The following ASAP2 variants were observed in gnomAD, a reference collection of about 807,000 sequenced individuals.
ASAP2 encodes arf-GAP with SH3 domain, ANK repeat and PH domain-containing protein 2.
Under a neutral mutation model 131.4 loss-of-function variants are expected in ASAP2, and 45 were observed. The observed-to-expected ratio is 0.34, with a 90% CI of 0.27 to 0.44. ASAP2 has a LOEUF of 0.44. Ranked by LOEUF, ASAP2 falls within the 20% of genes least tolerant of loss-of-function variation. The probability of loss-of-function intolerance (pLI) is 1.00; values close to 1 mark genes in which losing one functional copy is unlikely to be tolerated. For missense variants in ASAP2, 1,011 were observed against 1,297.0 expected (o/e 0.78, Z 3.39); for synonymous variants, 510 against 503.0 (o/e 1.01, Z -0.19).
At chr2:9,300,856 C>G (rs925617796) in intron 3 of ASAP2, among the ~76,000 whole-genome samples, 2 of 152,248 alleles carry the variant, frequency 1.3e-5, no homozygotes, top group Non-Finnish European at 2.9e-5. Context: ...TTTCAACTTG[C>G]ACTTTATGGA....
intron 15 of ASAP2, among the ~76,000 whole-genome samples, chr2:9,359,431 A>G (rs1481975464): frequency 6.6e-6 from 1 of 152,216 alleles, no homozygotes; most frequent in African/African-American, 2.4e-5. Flanking sequence ...ATAGGAGGAG[A>G]CAGAAGCATT....
chr2:9,387,282 G>A (rs1401778570), intron 21 of ASAP2, among the ~76,000 whole-genome samples: 1 of 151,546 alleles, frequency 6.6e-6, no homozygotes, highest in Non-Finnish European at 1.5e-5. Context: ...GGGCCAGATA[G>A]TAAATATTTT....
intron 1 of ASAP2, among the ~76,000 whole-genome samples, chr2:9,226,641 G>T (rs558550243): frequency 1.3e-3 from 200 of 152,342 alleles, no homozygotes; most frequent in Non-Finnish European, 2.3e-3. Flanking sequence ...TCAGGCTGCC[G>T]TGGGGAGGAC....
In ASAP2 at chr2:9,344,794, T is replaced by C. The variant is rs1671850400; in HGVS notation, c.1017T>C (p.His339=). ...AAAATGGTTTTCTGACCATATCCCA[T>C]GGTACCGTAAGTATTCTCTTTTAAT... ...SVKNGFLTIS[H]GTANRPPAKL... is the part of the protein sequence containing the mutation. The change falls in exon 11 of 28, where the codon CAT becomes CAC. Residue 339 remains histidine (H), a synonymous_variant. Transcript: ENST00000281419. 1.2e-6 allele frequency: 2 copies of C among 1,612,900 alleles called. No homozygotes were observed. The highest frequency in any genetic ancestry group is 1.3e-5 in the African/African-American group (1 of 74,894).
chr2:9,326,531 T>G (rs1670490130), intron 6 of ASAP2, among the ~76,000 whole-genome samples: 1 of 152,144 alleles, frequency 6.6e-6, no homozygotes, highest in African/African-American at 2.4e-5. Flanking sequence ...GAAAATTGGT[T>G]AATATAAGAA....
intron 11 of ASAP2, among the ~76,000 whole-genome samples, chr2:9,346,815 G>T (rs1404101232): frequency 6.6e-6 from 1 of 152,238 alleles, no homozygotes; most frequent in Non-Finnish European, 1.5e-5. Flanking sequence ...CTGGAAAACA[G>T]GTCTGGTAAT....
chr2:9,246,782 C>T (rs1664365441), intron 1 of ASAP2, among the ~76,000 whole-genome samples: 1 of 152,102 alleles, frequency 6.6e-6, no homozygotes, highest in South Asian at 2.1e-4. Flanking sequence ...GAGGCTCATT[C>T]CTGGGATACT....
intron 12 of ASAP2, among the ~76,000 whole-genome samples, chr2:9,351,451 C>A (rs749582579): frequency 6.6e-6 from 1 of 152,146 alleles, no homozygotes; most frequent in Non-Finnish European, 1.5e-5. Flanking sequence ...GTTTACTCAG[C>A]ACCCCCTAAA....
Position 9,279,389 on chromosome 2 carries a change from G to A in ASAP2, c.199G>A (p.Ala67Thr). Reference sequence around the variant, plus strand: ...GAAAGCAATCAACAGCTCTGGGCTGGGTGAGTATACATCCTTCCCTAGAGG... The same window carrying A: ...GAAAGCAATCAACAGCTCTGGGCTGAGTGAGTATACATCCTTCCCTAGAGG... ...SVKAINSSGL[A>T]HVENEEQYTQ... Residue 67 changes from alanine (A) to threonine (T), a missense_variant and splice_region_variant, in exon 2 of 28, where the codon GCT becomes ACT. Around this residue, in one of 2 missense-constraint regions of ASAP2, gnomAD observed 359 missense variants for 598.1 expected, o/e 0.60. Coordinates refer to ENST00000281419, the MANE Select transcript of ASAP2 (RefSeq NM_003887.3). The A allele has an allele frequency of 6.2e-7, 1 of 1,613,712 alleles. No homozygotes were observed. The highest frequency in any genetic ancestry group is 8.5e-7 in the Non-Finnish European group (1 of 1,179,628).
chr2:9,390,916 A>C (rs773189537), intron 22 of ASAP2, 146 bp from the exon 23 acceptor site: 218 of 1,201,670 alleles, frequency 1.8e-4, no homozygotes, highest in Non-Finnish European at 2.4e-4. Flanking sequence ...ACAGGAGTAA[A>C]AGCATTGAGG....
At chr2:9,398,108 A>C (rs184158465) in intron 24 of ASAP2, among the ~76,000 whole-genome samples, 2 of 152,038 alleles carry the variant, frequency 1.3e-5, no homozygotes, top group African/African-American at 4.8e-5. Context: ...TCACTTCAGC[A>C]CTCAGAAAAT....
chr2:9,230,920 T>G (rs907161), intron 1 of ASAP2, among the ~76,000 whole-genome samples: 84,293 of 151,940 alleles, frequency 0.55, 24,977 homozygotes, highest in African/African-American at 0.78. Context: ...TGTGTGACCT[T>G]GGAGGTGTGT....
chr2:9,260,217 T>G (rs556081896), intron 1 of ASAP2, among the ~76,000 whole-genome samples: 20 of 152,294 alleles, frequency 1.3e-4, no homozygotes, highest in African/African-American at 4.8e-4. Context: ...ATCAAGTAAT[T>G]TGTGTGTGGA....
intron 1 of ASAP2, among the ~76,000 whole-genome samples, chr2:9,227,926 C>T (rs943581859): frequency 2.0e-5 from 3 of 152,188 alleles, no homozygotes; most frequent in Admixed American, 6.5e-5. Context: ...CATGTTACAT[C>T]AGAAGAGAGT....
chr2:9,368,359 G>C (rs1436142655), intron 15 of ASAP2, 66 bp from the exon 16 acceptor site: 1 of 1,366,968 alleles, frequency 7.3e-7, no homozygotes, highest in Non-Finnish European at 1.0e-6. Context: ...AGATGGGGAT[G>C]GGTAATGTGT....
intron 20 of ASAP2, among the ~76,000 whole-genome samples, chr2:9,383,943 C>T (rs1332210034): frequency 6.6e-6 from 1 of 151,962 alleles, no homozygotes; most frequent in Non-Finnish European, 1.5e-5. Context: ...CGTTCTCACT[C>T]ATAGGTGGGA....
In ASAP2 at chr2:9,393,533, T is replaced by C. The variant is rs1266573413; in HGVS notation, c.2570T>C (p.Met857Thr). ...PPPVAKTPSV[M>T]EALSQPSKPA... ...CCCGTTGCCAAGACGCCCAGCGTAATGGAAGCCTTGAGCCAGCCGAGCAAG... is the reference window on the plus strand; with the variant it reads ...CCCGTTGCCAAGACGCCCAGCGTAACGGAAGCCTTGAGCCAGCCGAGCAAG... The change falls in exon 24 of 28, where the codon ATG becomes ACG. Residue 857 changes from methionine (M) to threonine (T), a missense_variant. By Grantham distance (81) the Met-to-Thr change is moderately conservative. This residue lies in a region of ASAP2 where 652 missense variants were observed against 698.9 expected (regional missense o/e 0.93). Coordinates refer to ENST00000281419, the MANE Select transcript of ASAP2 (RefSeq NM_003887.3). The C allele has an allele frequency of 1.9e-6, 3 of 1,595,766 alleles. No homozygotes were observed. In the Admixed American group the frequency reaches 5.1e-5, roughly 27 times the overall value.
intron 11 of ASAP2, 30 bp from the exon 12 acceptor site, chr2:9,350,778 C>A: frequency 1.3e-6 from 2 of 1,597,336 alleles, no homozygotes; most frequent in South Asian, 1.1e-5. Context: ...CCAACCCCAA[C>A]CTTTTTTGTT....
chr2:9,313,565 C>T (rs1257146743), intron 3 of ASAP2, among the ~76,000 whole-genome samples: 1 of 152,236 alleles, frequency 6.6e-6, no homozygotes, highest in Non-Finnish European at 1.5e-5. Flanking sequence ...CTGCCCCCGC[C>T]AGCTGCCGGA....
Sources: gnomAD v4.1 joint callset for allele counts (sites outside exome capture counted in the v4.1 genomes callset) on GRCh38, gnomAD v4.1.1 for gene constraint, gnomAD v4.1.1 regional missense constraint, MANE v1.5 for transcripts, NCBI Gene and HGNC (gene_info 2026-07-23, HGNC 2026-07-21) for gene names.